The following ATG7 variants were observed in gnomAD, a reference collection of about 807,000 sequenced individuals.
The protein encoded by ATG7 is autophagy related 7.
A neutral mutation model predicts 82.4 loss-of-function variants in ATG7; 70 were observed. The ratio of observed to expected loss-of-function variants is 0.85; its 90% CI spans 0.70 to 1.04. ATG7 has a LOEUF of 1.04. Ranked by LOEUF, ATG7 falls within the 50% of genes least tolerant of loss-of-function variation. The pLI is 0.00. For missense variants in ATG7, 792 were observed against 864.3 expected, an observed-to-expected ratio of 0.92 and a Z score of 1.05; for synonymous variants, 287 against 313.0, an observed-to-expected ratio of 0.92 and a Z score of 0.88.
At chr3:11,401,760 G>A (rs1432701141) in intron 19 of ATG7, among the ~76,000 whole-genome samples, 2 of 152,190 alleles carry the variant, frequency 1.3e-5, no homozygotes, top group Non-Finnish European at 2.9e-5. Flanking sequence ...CCCACAACCT[G>A]TGTACTCCAG....
At chr3:11,407,618 T>G (rs370998823) in intron 19 of ATG7, among the ~76,000 whole-genome samples, 118 of 152,364 alleles carry the variant, frequency 7.7e-4, no homozygotes, top group African/African-American at 2.8e-3. Flanking sequence ...TCCAGGTGTT[T>G]CCATACATCT....
intron 13 of ATG7, among the ~76,000 whole-genome samples, chr3:11,344,222 C>T (rs1954125816): frequency 6.6e-6 from 1 of 152,084 alleles, no homozygotes; most frequent in East Asian, 1.9e-4. Context: ...TATTCCTCAC[C>T]AACACTTATA....
At chr3:11,396,116 A>AG (rs1553641952) in intron 19 of ATG7, among the ~76,000 whole-genome samples, 72 of 135,294 alleles carry the variant, frequency 5.3e-4, no homozygotes, top group Admixed American at 3.1e-3. Flanking sequence ...TCAGAAGTAT[A>AG]GGAAAAAAAA....
At chr3:11,363,217 C>CTG in intron 17 of ATG7, 2 of 209,660 alleles carry the variant, frequency 9.5e-6, no homozygotes, top group Non-Finnish European at 1.9e-5. Flanking sequence ...TTCTAAGCAC[C>CTG]TTAGAAATTT....
At position 11,554,736 on chromosome 3, in the gene ATG7, C is replaced by T. The variant is rs140640020; in HGVS notation, c.2080-75C>T. The stretch of plus-strand genomic sequence containing the variant: ...CAGGTGGGAGCTGCCATGACTGCTG[C>T]GGTTTTGAAGCATCTGTGTGCCCCC... On this transcript the variant is annotated intron_variant, in intron 20 of 20. Transcript: ENST00000693202. 6,383 of 1,561,112 alleles carry T rather than the reference C, an allele frequency of 4.1e-3. 24 individuals are homozygous for T. The highest frequency in any genetic ancestry group is 5.1e-3 in the Non-Finnish European group (5,797 of 1,141,378).
chr3:11,496,154 C>T lies in ATG7; in HGVS notation c.2080-58657C>T, dbSNP rs1575042816. Among the ~76,000 whole-genome samples, 3 of 152,268 alleles carry T rather than the reference C, an allele frequency of 2.0e-5. No individual in the cohort carries two copies. In the South Asian group the frequency reaches 6.2e-4, roughly 32 times the overall value. On this transcript the variant is annotated intron_variant, in intron 20 of 20. Transcript: ENST00000693202. ...GGCCATTAAAAGGAGGACGTTATCG[C>T]TCTTTAACTAAAAAAAACATCCACA...
At chr3:11,569,759 G>T in the ATG7 span, among the ~76,000 whole-genome samples, 1 of 152,194 alleles carries the variant, frequency 6.6e-6, no homozygotes, top group Non-Finnish European at 1.5e-5. Context: ...ACGTGCACCT[G>T]TGGTCCCAGC....
chr3:11,399,859 A>G (rs1049955429), intron 19 of ATG7, among the ~76,000 whole-genome samples: 16 of 152,210 alleles, frequency 1.1e-4, no homozygotes, highest in African/African-American at 3.6e-4. Context: ...CACGTGAGCC[A>G]CAGTGCCTGG....
chr3:11,441,990 A>G (rs1559632457), intron 20 of ATG7, among the ~76,000 whole-genome samples: 1 of 152,104 alleles, frequency 6.6e-6, no homozygotes, highest in Non-Finnish European at 1.5e-5. Context: ...TTTTATAAAG[A>G]TGAGGTTTCA....
chr3:11,453,262 G>T lies in ATG7; in HGVS notation c.2079+26336G>T, dbSNP rs540681584. Among the ~76,000 whole-genome samples, 8 of 152,334 alleles carry T rather than the reference G, an allele frequency of 5.3e-5. No homozygotes were observed. In the East Asian group the frequency reaches 1.5e-3, roughly 29 times the overall value. On this transcript the variant is annotated intron_variant, in intron 20 of 20. Coordinates refer to ENST00000693202, the MANE Select transcript of ATG7 (RefSeq NM_001349232.2). ...CTGAATGTCCTGAAAGTGTGGAAAG[G>T]CCTGTCCCCAAGCTTTAGTAACTTT... is the stretch of plus-strand genomic sequence containing the variant.
chr3:11,352,359 A>G (rs1434143353), intron 14 of ATG7, among the ~76,000 whole-genome samples: 5 of 152,212 alleles, frequency 3.3e-5, no homozygotes, highest in Non-Finnish European at 7.3e-5. Flanking sequence ...TTCTTTGGGT[A>G]TATACCCAGT....
In ATG7 at chr3:11,306,747, G is replaced by A. The variant is rs77688123; in HGVS notation, c.216-196G>A. Among the ~76,000 whole-genome samples the A allele has an allele frequency of 0.01, 1,525 of 152,242 alleles. 54 individuals carry two copies. The East Asian group carries it at 0.13, about 13-fold the overall frequency. ...AGGTTAGAGTATAGGGAATATATAGGCTTTTAGGGGGGAATGGTGCCTGTT... is the reference window on the plus strand; with the variant it reads ...AGGTTAGAGTATAGGGAATATATAGACTTTTAGGGGGGAATGGTGCCTGTT... On this transcript the variant is annotated intron_variant, in intron 5 of 20. Coordinates refer to ENST00000693202, the MANE Select transcript of ATG7 (RefSeq NM_001349232.2).
intron 19 of ATG7, among the ~76,000 whole-genome samples, chr3:11,421,233 G>T (rs577919897): frequency 1.3e-5 from 2 of 152,278 alleles, no homozygotes; most frequent in East Asian, 3.9e-4. Flanking sequence ...GTTTGTTGCA[G>T]CAGTTGGCTT....
Position 11,554,924 on chromosome 3 carries a change from A to C in ATG7, c.*81A>C. On this transcript the variant is annotated 3_prime_UTR_variant, in exon 21 of 21. Coordinates refer to ENST00000693202, the MANE Select transcript of ATG7 (RefSeq NM_001349232.2). ...TCGCCAGAGCAGGACTGCTGACCCCAGGCCTGGTGATTCTGGGCCCCTCCT... is the reference window on the plus strand; with the variant it reads ...TCGCCAGAGCAGGACTGCTGACCCCCGGCCTGGTGATTCTGGGCCCCTCCT... 6.5e-7 allele frequency: 1 copy of C among 1,533,120 alleles called. No homozygotes were observed. The highest frequency in any genetic ancestry group is 8.8e-7 in the Non-Finnish European group (1 of 1,133,228). The allele number at this position is 1,533,120 out of a possible 1,614,324, so 95.0% of individuals were successfully genotyped here. A position where few individuals can be genotyped will look rare whatever the true frequency, so the allele number is the denominator to read the frequency against.
chr3:11,383,596 T>C (rs1303724013), intron 19 of ATG7, among the ~76,000 whole-genome samples: 1 of 152,066 alleles, frequency 6.6e-6, no homozygotes, highest in African/African-American at 2.4e-5. Flanking sequence ...CTACAGGCAC[T>C]TGCCACCATG....
intron 20 of ATG7, among the ~76,000 whole-genome samples, chr3:11,468,373 A>G (rs2087056468): frequency 6.6e-6 from 1 of 152,134 alleles, no homozygotes; most frequent in African/African-American, 2.4e-5. Context: ...GCTTTTTCCA[A>G]GGCCTGGATC....
chr3:11,564,747 G>C, the ATG7 span: 2 of 1,508,774 alleles, frequency 1.3e-6, no homozygotes, highest in Non-Finnish European at 1.8e-6. Context: ...ATCCAGCCCA[G>C]TCCCCCAGCC....
intron 20 of ATG7, among the ~76,000 whole-genome samples, chr3:11,550,390 T>C (rs926857262): frequency 1.3e-5 from 2 of 152,172 alleles, no homozygotes; most frequent in Non-Finnish European, 2.9e-5. Context: ...TATTGGTCTT[T>C]CTCTTCTTGA....
intron 19 of ATG7, among the ~76,000 whole-genome samples, chr3:11,393,386 C>T (rs1320396172): frequency 6.8e-6 from 1 of 147,724 alleles, no homozygotes; most frequent in African/African-American, 2.5e-5. Context: ...TACTAACTAG[C>T]TACCCATAAG....
Sources: gnomAD v4.1 joint callset for allele counts (sites outside exome capture counted in the v4.1 genomes callset) on GRCh38, gnomAD v4.1.1 for gene constraint, MANE v1.5 for transcripts, NCBI Gene and HGNC (gene_info 2026-07-23, HGNC 2026-07-21) for gene names.